RNF180: variants seen among roughly 807,000 people sequenced by gnomAD.
The protein encoded by RNF180 is E3 ubiquitin-protein ligase RNF180.
A neutral mutation model predicts 59.2 loss-of-function variants in RNF180; 38 were observed. The ratio of observed to expected loss-of-function variants is 0.64; its 90% CI spans 0.50 to 0.84. The LOEUF (loss-of-function observed/expected upper bound fraction) is 0.84. Ranked by LOEUF, RNF180 falls within the 40% of genes least tolerant of loss-of-function variation. The pLI is 0.00. For synonymous variants in RNF180, 262 were observed against 240.3 expected, an observed-to-expected ratio of 1.09 and a Z score of -0.84; for missense variants, 705 against 700.9, an observed-to-expected ratio of 1.01 and a Z score of -0.07.
At chr5:64,209,768 G>T (rs72752803) in intron 2 of RNF180, among the ~76,000 whole-genome samples, 5 of 151,962 alleles carry the variant, frequency 3.3e-5, no homozygotes, top group Admixed American at 1.3e-4. Flanking sequence ...CTGTAAGATT[G>T]TTTTAAAGAA....
chr5:64,271,427 A>T (rs1217755755), intron 5 of RNF180, among the ~76,000 whole-genome samples: 1 of 152,102 alleles, frequency 6.6e-6, no homozygotes, highest in African/African-American at 2.4e-5. Context: ...CACTGCATTC[A>T]ATAATGGACC....
At chr5:64,266,999 T>G (rs1744716141) in intron 5 of RNF180, among the ~76,000 whole-genome samples, 1 of 152,152 alleles carries the variant, frequency 6.6e-6, no homozygotes, top group Non-Finnish European at 1.5e-5. Flanking sequence ...TTTTCATATT[T>G]TTGCTGAAGA....
At chr5:64,297,360 T>TC (rs1293849294) in intron 5 of RNF180, among the ~76,000 whole-genome samples, 1 of 152,120 alleles carries the variant, frequency 6.6e-6, no homozygotes, top group Non-Finnish European at 1.5e-5. Flanking sequence ...GTCTATTCTC[T>TC]CTATAAACCG....
intron 7 of RNF180, among the ~76,000 whole-genome samples, chr5:64,349,846 A>G (rs1400139373): frequency 1.3e-5 from 2 of 152,148 alleles, no homozygotes; most frequent in African/African-American, 2.4e-5. Context: ...ATTGCTAGAC[A>G]TTAGGGTTGG....
chr5:64,186,523 C>T (rs1422704578), intron 1 of RNF180, among the ~76,000 whole-genome samples: 2 of 151,898 alleles, frequency 1.3e-5, no homozygotes, highest in African/African-American at 4.8e-5. Context: ...TGGCTTAGAA[C>T]CCCTCTCACC....
At chr5:64,236,749 T>C (rs911465653) in intron 5 of RNF180, among the ~76,000 whole-genome samples, 1 of 152,162 alleles carries the variant, frequency 6.6e-6, no homozygotes, top group Non-Finnish European at 1.5e-5. Context: ...GCTTCAGGCC[T>C]TGATGTCCTG....
At chr5:64,314,650 G>A (rs148491549) in intron 5 of RNF180, among the ~76,000 whole-genome samples, 26 of 152,166 alleles carry the variant, frequency 1.7e-4, no homozygotes, top group African/African-American at 6.0e-4. Context: ...AGATATTTAT[G>A]CATTCATATA....
At chr5:64,351,619 G>T (rs1435887636) in intron 7 of RNF180, among the ~76,000 whole-genome samples, 3 of 151,754 alleles carry the variant, frequency 2.0e-5, no homozygotes, top group Non-Finnish European at 4.4e-5. Flanking sequence ...ATGAATGGTT[G>T]TTGAATTTTG....
At chr5:64,196,168 G>A (rs1751445971) in intron 1 of RNF180, among the ~76,000 whole-genome samples, 1 of 149,960 alleles carries the variant, frequency 6.7e-6, no homozygotes, top group Non-Finnish European at 1.5e-5. Context: ...CAAAAATGAT[G>A]TCATGTATTA....
chr5:64,321,030 T>C (rs1744317682), intron 5 of RNF180, among the ~76,000 whole-genome samples: 1 of 145,516 alleles, frequency 6.9e-6, no homozygotes, highest in African/African-American at 2.6e-5. Flanking sequence ...AGAGCGAGAC[T>C]CCGTCTCAAA....
intron 5 of RNF180, among the ~76,000 whole-genome samples, chr5:64,314,278 G>C (rs1743926884): frequency 7.4e-6 from 1 of 135,788 alleles, no homozygotes; most frequent in Admixed American, 7.1e-5. Context: ...AAAATCTACA[G>C]CATGCCAACA....
intron 7 of RNF180, among the ~76,000 whole-genome samples, chr5:64,355,863 C>T (rs966374000): frequency 4.6e-5 from 7 of 151,644 alleles, no homozygotes; most frequent in Non-Finnish European, 7.4e-5. Context: ...TGAAGTTGGA[C>T]CCCTTAACTC....
At position 64,195,881 on chromosome 5, in the gene RNF180, A is replaced by G. The variant is rs190618097; in HGVS notation, c.1-4927A>G. Among the ~76,000 whole-genome samples the G allele has an allele frequency of 7.2e-5, 11 of 152,270 alleles. No homozygotes were observed. The East Asian group carries it at 2.1e-3, about 29-fold the overall frequency. Reference sequence around the variant, plus strand: ...ACAGGGTACACTCCCACCATCTCAGATTGGCACCATTAAGACATGCCAATT... The same window carrying G: ...ACAGGGTACACTCCCACCATCTCAGGTTGGCACCATTAAGACATGCCAATT... On this transcript the variant is annotated intron_variant, in intron 1 of 7. Coordinates refer to ENST00000389100, the MANE Select transcript of RNF180 (RefSeq NM_001113561.2).
At chr5:64,181,986 C>CTTTTTTTTTTTTTT in intron 1 of RNF180, among the ~76,000 whole-genome samples, 1 of 94,620 alleles carries the variant, frequency 1.1e-5, no homozygotes, top group Non-Finnish European at 2.0e-5. Flanking sequence ...CTGCTACTGT[C>CTTTTTTTTTTTTTT]TTTTTTTTTT....
intron 7 of RNF180, among the ~76,000 whole-genome samples, chr5:64,333,177 TC>T (rs1744986076): frequency 6.6e-6 from 1 of 152,192 alleles, no homozygotes; most frequent in Admixed American, 6.5e-5. Context: ...TATTTTTTAC[TC>T]ATTTATTTTA....
chr5:64,203,508 A>G (rs766985903), intron 2 of RNF180, among the ~76,000 whole-genome samples: 1 of 152,092 alleles, frequency 6.6e-6, no homozygotes, highest in African/African-American at 2.4e-5. Context: ...TACCAATCTT[A>G]TTTCTGTCTC....
intron 5 of RNF180, among the ~76,000 whole-genome samples, chr5:64,234,389 C>T (rs1418544102): frequency 6.6e-6 from 1 of 151,640 alleles, no homozygotes; most frequent in East Asian, 2.0e-4. Flanking sequence ...TCGCGTGAAC[C>T]CGGGAGGCAG....
intron 5 of RNF180, among the ~76,000 whole-genome samples, chr5:64,240,994 A>T (rs1485338442): frequency 1.3e-5 from 2 of 152,206 alleles, no homozygotes; most frequent in Non-Finnish European, 2.9e-5. Context: ...TTTGGGTTGT[A>T]TTTACTACTG....
At chr5:64,186,054 T>C (rs1579952932) in intron 1 of RNF180, among the ~76,000 whole-genome samples, 1 of 152,108 alleles carries the variant, frequency 6.6e-6, no homozygotes, top group East Asian at 1.9e-4. Flanking sequence ...AAATACCTGC[T>C]TTTTTTTCTC....
Sources: allele counts gnomAD v4.1 joint callset (sites outside exome capture counted in the v4.1 genomes callset), GRCh38; gene constraint gnomAD v4.1.1; transcripts MANE v1.5; gene names NCBI Gene and HGNC (gene_info 2026-07-23, HGNC 2026-07-21).